The following CAMKK1 variants were observed in gnomAD, a reference collection of about 807,000 sequenced individuals.
The protein encoded by CAMKK1 is calcium/calmodulin-dependent protein kinase kinase 1.
CAMKK1 carries 20 observed loss-of-function variants against 63.5 expected under a neutral mutation model. The observed-to-expected ratio is 0.32, with a 90% CI of 0.22 to 0.46. The LOEUF is 0.46. CAMKK1 is among the 20% of genes least tolerant of loss of function. The probability of loss-of-function intolerance (pLI) is 1.00; values close to 1 mark genes in which losing one functional copy is unlikely to be tolerated. For synonymous variants in CAMKK1, 253 were observed against 269.0 expected (o/e 0.94, Z 0.58); for missense variants, 588 against 658.1 (o/e 0.89, Z 1.17).
intron 9 of CAMKK1, among the ~76,000 whole-genome samples, chr17:3,876,744 GTTTTTTTTTTTGGT>G (rs2055176764): frequency 3.1e-5 from 4 of 127,710 alleles, no homozygotes; most frequent in South Asian, 5.0e-4. Flanking sequence ...AGTTGTTGCT[GTTTTTTTTTTTGGT>G]TTTTTTTTTT....
In CAMKK1 at chr17:3,861,461, T is replaced by A. The variant is rs1441461535; in HGVS notation, c.*750A>T. Reference sequence around the variant, plus strand: ...GCCTCTGCTCAGAGCTTGATTCCGTTCAGTCCACTTTCCAGATAACGCCGA... The same window carrying A: ...GCCTCTGCTCAGAGCTTGATTCCGTACAGTCCACTTTCCAGATAACGCCGA... On this transcript the variant is annotated 3_prime_UTR_variant, in exon 16 of 16. Coordinates refer to ENST00000348335, the MANE Select transcript of CAMKK1 (RefSeq NM_032294.3). 6.6e-6 allele frequency: 1 copy of A among 152,404 alleles called. No homozygotes were observed. The highest frequency in any genetic ancestry group is 1.9e-4 in the East Asian group (1 of 5,204). 9.4% of individuals were successfully genotyped at this position (152,404 alleles called of 1,614,324 possible).
chr17:3,864,404 G>A (rs1002176758), intron 15 of CAMKK1, among the ~76,000 whole-genome samples: 3 of 151,956 alleles, frequency 2.0e-5, no homozygotes, highest in Non-Finnish European at 4.4e-5. Flanking sequence ...CCGCCACCAC[G>A]CCCAGCTGAT....
Position 3,882,957 on chromosome 17 carries a change from G to T in CAMKK1, c.648+85C>A. 1 of 1,536,470 alleles carries T rather than the reference G, an allele frequency of 6.5e-7. No homozygotes were observed. Among genetic ancestry groups the T allele is most frequent in the Non-Finnish European group, 8.8e-7 (1 of 1,130,996 alleles). ...TCTGCCACCTGGGCAAGATCCCTGG[G>T]TCTGTGCTAGGGGCTCCCCAGCACC... On this transcript the variant is annotated intron_variant, in intron 6 of 15. Transcript: ENST00000348335. This position sits in a 1 kb window ranked among gnomAD's most constrained non-coding sequence, Gnocchi z 4.3.
At chr17:3,881,023 C>T (rs995219182) in intron 8 of CAMKK1, among the ~76,000 whole-genome samples, 1 of 152,236 alleles carries the variant, frequency 6.6e-6, no homozygotes, top group Non-Finnish European at 1.5e-5. Flanking sequence ...AGGGACAAGC[C>T]GCAGGCTGCA....
chr17:3,883,293 C>T lies in CAMKK1; in HGVS notation c.515-118G>A. ...CGTGGTCTTGTCCCAACCCACAGGG[C>T]ACATTCTGTCCCCAGGCCTCTGCTC... On this transcript the variant is annotated intron_variant, in intron 5 of 15. Coordinates refer to ENST00000348335, the MANE Select transcript of CAMKK1 (RefSeq NM_032294.3). The surrounding 1 kb of genome is among the most constrained non-coding windows in gnomAD (Gnocchi z 4.7). The T allele has an allele frequency of 6.7e-7, 1 of 1,485,616 alleles. No individual in the cohort carries two copies. Among genetic ancestry groups the T allele is most frequent in the Non-Finnish European group, 9.3e-7 (1 of 1,071,380 alleles). 92.0% of individuals were successfully genotyped at this position (1,485,616 alleles called of 1,614,324 possible).
chr17:3,880,563 C>T (rs773590248), intron 8 of CAMKK1, 129 bp from the exon 9 acceptor site: 5 of 655,050 alleles, frequency 7.6e-6, no homozygotes, highest in Non-Finnish European at 1.4e-5. Context: ...GCTTTTTCTG[C>T]TACATAATAA....
At chr17:3,871,436 C>G (rs138637929) in intron 12 of CAMKK1, among the ~76,000 whole-genome samples, 3,909 of 136,172 alleles carry the variant, frequency 0.029, 186 homozygotes, top group African/African-American at 0.097. Context: ...CTCACTGAAA[C>G]CTCTGCCTCC....
At chr17:3,870,589 T>C (rs1372728057) in intron 12 of CAMKK1, among the ~76,000 whole-genome samples, 1 of 152,020 alleles carries the variant, frequency 6.6e-6, no homozygotes, top group Non-Finnish European at 1.5e-5. Flanking sequence ...ATGATCTCGA[T>C]CTCCTGATCT....
chr17:3,885,578 G>A lies in CAMKK1; in HGVS notation c.110C>T (p.Pro37Leu). 6.2e-7 allele frequency: 1 copy of A among 1,614,138 alleles called. No homozygotes were observed. Among genetic ancestry groups the A allele is most frequent in the South Asian group, 1.1e-5 (1 of 91,086 alleles). Residue 37 changes from proline to leucine, a missense_variant, in exon 2 of 16, where the codon CCT becomes CTT. By Grantham distance (98) the Pro-to-Leu change is moderately conservative. This residue lies in a region of CAMKK1 where 357 missense variants were observed against 407.4 expected (regional missense o/e 0.88). Coordinates refer to ENST00000348335, the MANE Select transcript of CAMKK1 (RefSeq NM_032294.3). Reference protein sequence around the residue: ...HLEEADGGPEPTRNGVDPPPR... With the variant: ...HLEEADGGPELTRNGVDPPPR... ...TGGGGGGTCCACACCGTTTCTAGTAGGCTCTGGGCCACCATCTGCCTCCTC... is the reference window on the plus strand; with the variant it reads ...TGGGGGGTCCACACCGTTTCTAGTAAGCTCTGGGCCACCATCTGCCTCCTC...
rs776640797 is a variant in CAMKK1 at position 3,883,975 on chromosome 17, C to A, written c.409-38G>T. On this transcript the variant is annotated intron_variant, in intron 3 of 15. Coordinates refer to ENST00000348335, the MANE Select transcript of CAMKK1 (RefSeq NM_032294.3). The surrounding 1 kb of genome is among the most constrained non-coding windows in gnomAD (Gnocchi z 4.7). ...ATCAGTCAGCCCCACCTGGACAGGG[C>A]AACCCCTCCCAGGACCAGCTCAGGA... 9 of 1,604,276 alleles carry A rather than the reference C, an allele frequency of 5.6e-6. No homozygotes were observed. The highest frequency in any genetic ancestry group is 7.7e-6 in the Non-Finnish European group (9 of 1,173,124).
chr17:3,873,985 C>T (rs958570844), intron 10 of CAMKK1, among the ~76,000 whole-genome samples: 7 of 152,186 alleles, frequency 4.6e-5, no homozygotes, highest in East Asian at 1.9e-4. Flanking sequence ...TGGGCCTCCC[C>T]GCGCCCTGGA....
At chr17:3,864,699 A>AC (rs1393073631) in intron 15 of CAMKK1, among the ~76,000 whole-genome samples, 1 of 152,018 alleles carries the variant, frequency 6.6e-6, no homozygotes, top group African/African-American at 2.4e-5. Context: ...TCCTCCCCCA[A>AC]CCGCAACCAC....
At position 3,882,984 on chromosome 17, in the gene CAMKK1, G is replaced by T. The variant is rs1251992064; in HGVS notation, c.648+58C>A. On this transcript the variant is annotated intron_variant, in intron 6 of 15. Coordinates refer to ENST00000348335, the MANE Select transcript of CAMKK1 (RefSeq NM_032294.3). The surrounding 1 kb of genome is among the most constrained non-coding windows in gnomAD (Gnocchi z 4.3). ...CTGTGCTAGGGGCTCCCCAGCACCA[G>T]AAGCGGCTCCCATGAGACTCAGGTG... The T allele has an allele frequency of 3.8e-6, 6 of 1,598,838 alleles. No homozygotes were observed. Among genetic ancestry groups the T allele is most frequent in the Non-Finnish European group, 5.1e-6 (6 of 1,171,346 alleles).
intron 15 of CAMKK1, among the ~76,000 whole-genome samples, chr17:3,864,361 C>A (rs1438749567): frequency 6.6e-6 from 1 of 152,164 alleles, no homozygotes; most frequent in Non-Finnish European, 1.5e-5. Flanking sequence ...ATTCTCCTGC[C>A]TCAGCCTCCT....
intron 1 of CAMKK1, among the ~76,000 whole-genome samples, chr17:3,888,788 C>CG (rs1466813260): frequency 2.0e-5 from 3 of 152,118 alleles, no homozygotes; most frequent in Admixed American, 6.5e-5. Flanking sequence ...GGCGGCCGGC[C>CG]GGGGAGGCCC....
intron 15 of CAMKK1, among the ~76,000 whole-genome samples, chr17:3,864,137 G>A (rs1276239265): frequency 6.9e-6 from 1 of 144,486 alleles, no homozygotes; most frequent in African/African-American, 2.6e-5. Flanking sequence ...TTTTTTTAGA[G>A]ATGGGGTCTT....
At chr17:3,880,105 C>A (rs1238159194) in intron 9 of CAMKK1, 4 of 550,680 alleles carry the variant, frequency 7.3e-6, no homozygotes, top group African/African-American at 1.9e-5. Context: ...ACAGCCAGGA[C>A]TCAGACCCAC....
At position 3,869,403 on chromosome 17, in the gene CAMKK1, TCCC is replaced by T. The variant is rs1380210756; in HGVS notation, c.1341+81_1341+83del. ...AGCTGGCTGGCCAGGCAGGCCTCTG[TCCC>T]CCCAAGGAGCCAGGCACAGAGCAAG... On this transcript the variant is annotated intron_variant, in intron 14 of 15. Coordinates refer to ENST00000348335, the MANE Select transcript of CAMKK1 (RefSeq NM_032294.3). 4.8e-5 allele frequency: 75 copies of T among 1,562,140 alleles called. 1 individual carries two copies. In the South Asian group the frequency reaches 5.1e-4, roughly 11 times the overall value.
At chr17:3,868,855 G>A (rs887462216) in intron 14 of CAMKK1, among the ~76,000 whole-genome samples, 33 of 151,474 alleles carry the variant, frequency 2.2e-4, no homozygotes, top group Middle Eastern at 3.2e-3. Context: ...GGGTTTCGCC[G>A]TATTAGCCAG....
Sources: allele counts gnomAD v4.1 joint callset (sites outside exome capture counted in the v4.1 genomes callset), GRCh38; gene constraint gnomAD v4.1.1; regional missense constraint gnomAD v4.1.1; non-coding constraint Gnocchi (gnomAD v3.1); transcripts MANE v1.5; gene names NCBI Gene and HGNC (gene_info 2026-07-23, HGNC 2026-07-21).